Variants in MAST2 observed in about 807,000 individuals in gnomAD.
MAST2 encodes the protein microtubule associated serine/threonine kinase 2, also known as microtubule-associated serine/threonine-protein kinase 2.
In MAST2, 70 loss-of-function variants were observed where a neutral mutation model predicts 147.4. The observed-to-expected ratio is 0.47, with a 90% confidence interval of 0.39 to 0.58. The LOEUF (loss-of-function observed/expected upper bound fraction) is 0.58. MAST2 is among the 20% of genes least tolerant of loss of function. The pLI, the probability that MAST2 is intolerant of heterozygous loss-of-function variation, is 0.00. For synonymous variants in MAST2, 869 were observed against 896.8 expected (o/e 0.97, Z 0.55); for missense variants, 2,080 against 2,302.3 (o/e 0.90, Z 1.98).
intron 5 of MAST2, among the ~76,000 whole-genome samples, chr1:45,965,158 A>G (rs1321157778): frequency 6.6e-6 from 1 of 152,114 alleles, no homozygotes; most frequent in East Asian, 1.9e-4. Context: ...CAATTTTGGA[A>G]TAGGTGCGGT....
chr1:45,939,696 C>T (rs1006608608), intron 4 of MAST2, among the ~76,000 whole-genome samples: 35 of 152,092 alleles, frequency 2.3e-4, no homozygotes, highest in African/African-American at 8.0e-4. Flanking sequence ...TGCACCACCA[C>T]ACCTGGCTAA....
chr1:45,894,770 T>G (rs1405943525), intron 4 of MAST2, among the ~76,000 whole-genome samples: 1 of 152,158 alleles, frequency 6.6e-6, no homozygotes. Context: ...TTTACTTGAG[T>G]ACAAGTTTTA....
intron 10 of MAST2, among the ~76,000 whole-genome samples, chr1:46,011,437 G>T (rs1381188845): frequency 6.6e-6 from 1 of 152,154 alleles, no homozygotes; most frequent in Non-Finnish European, 1.5e-5. Flanking sequence ...CCTGGTCCTC[G>T]CTGGTGTGAA....
chr1:45,837,357 A>C (rs760552346), intron 3 of MAST2, among the ~76,000 whole-genome samples: 1 of 152,184 alleles, frequency 6.6e-6, no homozygotes, highest in African/African-American at 2.4e-5. Context: ...ATTTCATAGG[A>C]ATGGAATCAT....
chr1:45,882,393 C>T lies in MAST2; in HGVS notation c.498C>T (p.Ser166=), dbSNP rs1646891673. 2 of 1,611,026 alleles carry T rather than the reference C, an allele frequency of 1.2e-6. No individual in the cohort carries two copies. The highest frequency in any genetic ancestry group is 4.5e-5 in the East Asian group (2 of 44,838). ...AGTTGAGCCTTCCAAGAAGAGGCAG[C>T]TTGTAAGTAGATGATTATTACCATT... ...LKELSLPRRG[S]FCRTSNRKSL... The change falls in exon 4 of 29, where the codon AGC becomes AGT. Residue 166 remains serine, a splice_region_variant and synonymous_variant. Coordinates refer to ENST00000361297, the MANE Select transcript of MAST2 (RefSeq NM_015112.3).
At chr1:45,975,100 T>C (rs1203984060) in intron 5 of MAST2, among the ~76,000 whole-genome samples, 1 of 152,112 alleles carries the variant, frequency 6.6e-6, no homozygotes, top group African/African-American at 2.4e-5. Flanking sequence ...AAAGGGCATG[T>C]GAAATCCAAC....
chr1:45,888,093 T>A (rs1217233584), intron 4 of MAST2, among the ~76,000 whole-genome samples: 1 of 152,220 alleles, frequency 6.6e-6, no homozygotes, highest in East Asian at 1.9e-4. Context: ...TCATGCTCAT[T>A]ATCCCCACAT....
intron 5 of MAST2, among the ~76,000 whole-genome samples, chr1:45,971,365 G>T (rs1192403770): frequency 6.6e-6 from 1 of 152,242 alleles, no homozygotes; most frequent in Non-Finnish European, 1.5e-5. Flanking sequence ...TCCTCAGGAA[G>T]GACGTGAAAG....
intron 4 of MAST2, among the ~76,000 whole-genome samples, chr1:45,907,376 T>C (rs1650934782): frequency 6.6e-6 from 1 of 152,214 alleles, no homozygotes. Context: ...TTAGCTTTTA[T>C]GTTTGAATCT....
intron 4 of MAST2, among the ~76,000 whole-genome samples, chr1:45,927,201 A>T (rs901152890): frequency 2.0e-5 from 3 of 152,224 alleles, no homozygotes; most frequent in Non-Finnish European, 2.9e-5. Context: ...AAGTGGAGGC[A>T]GGGCGAGATC....
intron 3 of MAST2, among the ~76,000 whole-genome samples, chr1:45,865,970 A>C (rs1227913262): frequency 6.6e-6 from 1 of 152,202 alleles, no homozygotes; most frequent in East Asian, 1.9e-4. Context: ...CATGAAATGT[A>C]GCTATTTCTG....
intron 6 of MAST2, among the ~76,000 whole-genome samples, chr1:45,999,544 A>G (rs777565978): frequency 9.2e-5 from 14 of 152,164 alleles, no homozygotes; most frequent in Admixed American, 2.6e-4. Flanking sequence ...AGTCAGGCGC[A>G]CTCGGCTGGG....
In MAST2 at chr1:46,031,189, C is replaced by G; in HGVS notation, c.2891C>G (p.Pro964Arg). The G allele has an allele frequency of 6.3e-7, 1 of 1,577,228 alleles. No individual in the cohort carries two copies. The highest frequency in any genetic ancestry group is 1.1e-5 in the South Asian group (1 of 87,356). ...PQEGIWVLTP[P>R]SGEGVSGPVT... ...GAGGGTATATGGGTCCTGACACCCC[C>G]ATCTGGAGAGGGGGTATCTGGGCCT... Residue 964 changes from proline to arginine, a missense_variant, in exon 23 of 29, where the codon CCA becomes CGA. By Grantham distance (103) the Pro-to-Arg change is moderately radical. Transcript: ENST00000361297. This position sits in a 1 kb window ranked among gnomAD's most constrained non-coding sequence, Gnocchi z 4.1.
At chr1:45,957,228 G>A (rs1659782415) in intron 4 of MAST2, among the ~76,000 whole-genome samples, 1 of 152,144 alleles carries the variant, frequency 6.6e-6, no homozygotes, top group Non-Finnish European at 1.5e-5. Flanking sequence ...CATCCATTGT[G>A]TGAATCAATT....
At chr1:45,889,710 A>G (rs900497314) in intron 4 of MAST2, among the ~76,000 whole-genome samples, 5 of 150,644 alleles carry the variant, frequency 3.3e-5, no homozygotes, top group East Asian at 2.0e-4. Context: ...GGTTCAAGCA[A>G]TTCTCTTGTC....
At chr1:45,854,499 T>TA (rs1645726916) in intron 3 of MAST2, among the ~76,000 whole-genome samples, 1 of 152,196 alleles carries the variant, frequency 6.6e-6, no homozygotes, top group Non-Finnish European at 1.5e-5. Flanking sequence ...TCCTTACACT[T>TA]ACTGTTCTAT....
chr1:46,030,602 C>G lies in MAST2; in HGVS notation c.2554-5C>G. ...CCATCCCCAGCGCATCCCCTGTGCCCACAGGTGTACAGCAGCATGGAGCGG... is the reference window on the plus strand; with the variant it reads ...CCATCCCCAGCGCATCCCCTGTGCCGACAGGTGTACAGCAGCATGGAGCGG... On this transcript the variant is annotated splice_polypyrimidine_tract_variant and splice_region_variant and intron_variant, in intron 21 of 28. Coordinates refer to ENST00000361297, the MANE Select transcript of MAST2 (RefSeq NM_015112.3). 1.2e-6 allele frequency: 2 copies of G among 1,603,998 alleles called. No individual in the cohort carries two copies. Among genetic ancestry groups the G allele is most frequent in the Non-Finnish European group, 1.7e-6 (2 of 1,177,090 alleles).
At chr1:45,986,481 C>T (rs1296589482) in intron 5 of MAST2, among the ~76,000 whole-genome samples, 2 of 151,902 alleles carry the variant, frequency 1.3e-5, no homozygotes, top group East Asian at 1.9e-4. Flanking sequence ...TTTGGGAGGC[C>T]GAGGCGGGCG....
At chr1:45,905,132 T>C (rs939778049) in intron 4 of MAST2, among the ~76,000 whole-genome samples, 3 of 151,750 alleles carry the variant, frequency 2.0e-5, no homozygotes, top group African/African-American at 4.8e-5. Flanking sequence ...TTTGTTGTAG[T>C]ATCTGGTACA....
Sources: allele counts gnomAD v4.1 joint callset (sites outside exome capture counted in the v4.1 genomes callset), GRCh38; gene constraint gnomAD v4.1.1; non-coding constraint Gnocchi (gnomAD v3.1); transcripts MANE v1.5; gene names NCBI Gene and HGNC (gene_info 2026-07-23, HGNC 2026-07-21).